Variants in SATB2 observed in about 807,000 individuals in gnomAD.
SATB2 encodes the protein SATB homeobox 2.
A neutral mutation model predicts 73.4 loss-of-function variants in SATB2; 1 was observed. The ratio of observed to expected loss-of-function variants is 0.01; its 90% CI spans 0.00 to 0.06. The LOEUF (loss-of-function observed/expected upper bound fraction) is 0.06, where lower values mean the gene tolerates loss of function less well. Ranked by LOEUF, SATB2 falls within the 10% of genes least tolerant of loss-of-function variation. The pLI is 1.00. For missense variants in SATB2, 459 were observed against 945.8 expected (o/e 0.49, Z 6.75); for synonymous variants, 397 against 367.0 (o/e 1.08, Z -0.93).
chr2:199,384,946 T>C (rs1479844929), intron 3 of SATB2, among the ~76,000 whole-genome samples: 1 of 152,220 alleles, frequency 6.6e-6, no homozygotes, highest in Non-Finnish European at 1.5e-5. Flanking sequence ...AGATTTTTGA[T>C]GATTATATTA....
chr2:199,380,734 CTA>C (rs1689746553), intron 4 of SATB2, among the ~76,000 whole-genome samples: 2 of 152,286 alleles, frequency 1.3e-5, no homozygotes, highest in Admixed American at 1.3e-4. Flanking sequence ...ACAAGAGATG[CTA>C]TTTTTATAAA....
chr2:199,406,145 G>T (rs1270901785), intron 3 of SATB2, among the ~76,000 whole-genome samples: 1 of 152,102 alleles, frequency 6.6e-6, no homozygotes, highest in African/African-American at 2.4e-5. Context: ...TATGTAAGAT[G>T]GACTTGAGCA....
At chr2:199,413,840 G>A (rs1046592908) in intron 3 of SATB2, among the ~76,000 whole-genome samples, 2 of 152,086 alleles carry the variant, frequency 1.3e-5, no homozygotes, top group African/African-American at 4.8e-5. Context: ...CCAGAGCCCA[G>A]GTCCCTGGCG....
chr2:199,455,822 T>A lies in SATB2; in HGVS notation c.169+47A>T. On this transcript the variant is annotated intron_variant, in intron 2 of 10. Transcript: ENST00000417098. The surrounding 1 kb of genome is among the most constrained non-coding windows in gnomAD (Gnocchi z 4.1). ...AACCTGAACCCTGACACCCGGGCCATTATCACTGGGCCGCGGGCTGCGCGC... is the reference window on the plus strand; with the variant it reads ...AACCTGAACCCTGACACCCGGGCCAATATCACTGGGCCGCGGGCTGCGCGC... 7 of 1,529,460 alleles carry A rather than the reference T, an allele frequency of 4.6e-6. No homozygotes were observed. Among genetic ancestry groups the A allele is most frequent in the Non-Finnish European group, 6.1e-6 (7 of 1,142,370 alleles). 94.7% of individuals were successfully genotyped at this position (1,529,460 alleles called of 1,614,324 possible). A position where few individuals can be genotyped will look rare whatever the true frequency, so the allele number is the denominator to read the frequency against.
chr2:199,285,748 A>C lies in SATB2; in HGVS notation c.1741-13076T>G, dbSNP rs1441012835. On this transcript the variant is annotated intron_variant, in intron 10 of 10. Coordinates refer to ENST00000417098, the MANE Select transcript of SATB2 (RefSeq NM_001172509.2). The stretch of plus-strand genomic sequence containing the variant: ...TAAAAAAAAAAAGAGAGAGAGAGAG[A>C]AAGAGAATAAGAAAAAAAAAGTGGC... 6.6e-5 allele frequency among the ~76,000 whole-genome samples: 10 copies of C among 152,046 alleles called. No homozygotes were observed. The East Asian group carries it at 1.7e-3, about 26-fold the overall frequency.
intron 3 of SATB2, among the ~76,000 whole-genome samples, chr2:199,409,454 G>A (rs1376742284): frequency 6.6e-6 from 1 of 152,128 alleles, no homozygotes; most frequent in Non-Finnish European, 1.5e-5. Context: ...ACAGGCGTAA[G>A]CCACTGCGCC....
At chr2:199,278,614 C>A (rs1008118038) in intron 10 of SATB2, among the ~76,000 whole-genome samples, 5 of 152,006 alleles carry the variant, frequency 3.3e-5, no homozygotes, top group African/African-American at 9.7e-5. Flanking sequence ...TCTGAGATAG[C>A]CAAAAATATA....
At chr2:199,337,156 G>C (rs1688361068) in intron 7 of SATB2, among the ~76,000 whole-genome samples, 1 of 152,056 alleles carries the variant, frequency 6.6e-6, no homozygotes, top group African/African-American at 2.4e-5. Context: ...AGAGAAGGCA[G>C]AAAATATAAG....
chr2:199,458,653 G>A (rs914487680), upstream of SATB2: 3 of 441,118 alleles, frequency 6.8e-6, no homozygotes, highest in Non-Finnish European at 1.4e-5. Flanking sequence ...CGGAGACGCA[G>A]ACCGACGCGC....
chr2:199,409,758 T>C (rs1036314681), intron 3 of SATB2, among the ~76,000 whole-genome samples: 1 of 152,138 alleles, frequency 6.6e-6, no homozygotes, highest in Admixed American at 6.5e-5. Flanking sequence ...ACTTGAAATA[T>C]GCAAGCACTA....
intron 2 of SATB2, among the ~76,000 whole-genome samples, chr2:199,436,979 T>G (rs1034097975): frequency 6.6e-6 from 1 of 150,664 alleles, no homozygotes; most frequent in African/African-American, 2.4e-5. Context: ...TGAAAAGCAC[T>G]TCACAGAATA....
chr2:199,297,273 T>C (rs1018920625), intron 10 of SATB2, among the ~76,000 whole-genome samples: 3 of 152,206 alleles, frequency 2.0e-5, no homozygotes, highest in African/African-American at 7.2e-5. Flanking sequence ...ATGTTTTACT[T>C]TTTTGTTTTT....
rs560740973 is a variant in SATB2, at chr2:199,308,743, C to T, written c.1740+17G>A. On this transcript the variant is annotated intron_variant, in intron 10 of 10. Transcript: ENST00000417098. This position sits in a 1 kb window ranked among gnomAD's most constrained non-coding sequence, Gnocchi z 4.6. ...AGAGCCCTGATCAGGTGGGGTACGG[C>T]GGTCGGGGACACTGACCTGCACCGG... 9 of 1,610,590 alleles carry T rather than the reference C, an allele frequency of 5.6e-6. No individual in the cohort carries two copies. Among genetic ancestry groups the T allele is most frequent in the Middle Eastern group, 1.7e-4 (1 of 6,058 alleles).
chr2:199,272,293 G>A lies in SATB2; in HGVS notation c.2120C>T (p.Ser707Phe). 2 of 1,614,100 alleles carry A rather than the reference G, an allele frequency of 1.2e-6. No homozygotes were observed. The highest frequency in any genetic ancestry group is 1.7e-6 in the Non-Finnish European group (2 of 1,180,012). The change falls in exon 11 of 11, where the codon TCC (serine) becomes TTC (phenylalanine). Residue 707 changes from serine to phenylalanine, a missense_variant. Coordinates refer to ENST00000417098, the MANE Select transcript of SATB2 (RefSeq NM_001172509.2). This position sits in a 1 kb window ranked among gnomAD's most constrained non-coding sequence, Gnocchi z 6.7. The part of the protein sequence containing the change: ...ESEENDSEEG[S>F]EEMYKVEAEE... ...AGCCTCCACTTTGTACATCTCCTCGGAGCCTTCCTCGCTGTCGTTCTCCTC... is the reference window on the plus strand; with the variant it reads ...AGCCTCCACTTTGTACATCTCCTCGAAGCCTTCCTCGCTGTCGTTCTCCTC...
intron 10 of SATB2, among the ~76,000 whole-genome samples, chr2:199,282,673 C>T (rs992480726): frequency 1.4e-4 from 21 of 152,144 alleles, no homozygotes; most frequent in African/African-American, 5.1e-4. Context: ...GTAGTTATTA[C>T]AAAACGTGAG....
chr2:199,297,672 C>G lies in SATB2; in HGVS notation c.1740+11088G>C, dbSNP rs897814451. 2.0e-5 allele frequency among the ~76,000 whole-genome samples: 3 copies of G among 152,042 alleles called. No individual in the cohort carries two copies. In the East Asian group the frequency reaches 5.8e-4, roughly 29 times the overall value. Reference sequence around the variant, plus strand: ...GGGAGATGCCTATTTAATACTGCACCAAAGAGTCTCAAGCATCATCACTAC... The same window carrying G: ...GGGAGATGCCTATTTAATACTGCACGAAAGAGTCTCAAGCATCATCACTAC... On this transcript the variant is annotated intron_variant, in intron 10 of 10. Coordinates refer to ENST00000417098, the MANE Select transcript of SATB2 (RefSeq NM_001172509.2).
At chr2:199,337,450 T>G (rs907187245) in intron 7 of SATB2, among the ~76,000 whole-genome samples, 1 of 152,214 alleles carries the variant, frequency 6.6e-6, no homozygotes, top group South Asian at 2.1e-4. Flanking sequence ...TGAATTGGAA[T>G]TAAAAAACCT....
chr2:199,446,034 AT>A (rs1691952643), intron 2 of SATB2, among the ~76,000 whole-genome samples: 1 of 152,190 alleles, frequency 6.6e-6, no homozygotes, highest in Non-Finnish European at 1.5e-5. Flanking sequence ...ATCACAGTTT[AT>A]TTTCCAAAAT....
chr2:199,428,215 T>C (rs1370887236), intron 3 of SATB2, among the ~76,000 whole-genome samples: 2 of 152,218 alleles, frequency 1.3e-5, no homozygotes, highest in Non-Finnish European at 2.9e-5. Context: ...TCTACAAGTA[T>C]TTAGTTTTAG....
Sources: gnomAD v4.1 joint callset for allele counts (sites outside exome capture counted in the v4.1 genomes callset) on GRCh38, gnomAD v4.1.1 for gene constraint, Gnocchi (gnomAD v3.1) non-coding constraint, MANE v1.5 for transcripts, NCBI Gene and HGNC (gene_info 2026-07-23, HGNC 2026-07-21) for gene names.